The following CFAP299 variants were observed in gnomAD, a reference collection of about 807,000 sequenced individuals.
The protein encoded by CFAP299 is cilia- and flagella-associated protein 299.
A neutral mutation model predicts 27.0 loss-of-function variants in CFAP299; 21 were observed. The ratio of observed to expected loss-of-function variants is 0.78; its 90% CI spans 0.55 to 1.12. The LOEUF is 1.12. Among genes scored for constraint, CFAP299 ranks in the 50% most tolerant of loss-of-function variants. The pLI is 0.00. For missense variants in CFAP299, 310 were observed against 276.6 expected (o/e 1.12, Z -0.86); for synonymous variants, 104 against 98.1 (o/e 1.06, Z -0.36).
chr4:80,385,513 C>G (rs530447728), intron 2 of CFAP299, among the ~76,000 whole-genome samples: 1 of 151,930 alleles, frequency 6.6e-6, no homozygotes, highest in Admixed American at 6.6e-5. Context: ...TACTGGATCC[C>G]CAGGACAACC....
chr4:80,455,300 AG>A (rs1289176362), intron 2 of CFAP299, among the ~76,000 whole-genome samples: 1 of 152,226 alleles, frequency 6.6e-6, no homozygotes, highest in African/African-American at 2.4e-5. Context: ...GGAATGAACA[AG>A]GTTAAAACCA....
intron 3 of CFAP299, among the ~76,000 whole-genome samples, chr4:80,794,410 G>A (rs1393799741): frequency 6.6e-6 from 1 of 152,192 alleles, no homozygotes; most frequent in Non-Finnish European, 1.5e-5. Flanking sequence ...TCCTGGACCT[G>A]TGAATCCTGG....
At position 80,691,537 on chromosome 4, in the gene CFAP299, C is replaced by T. The variant is rs549889456; in HGVS notation, c.333+108354C>T. Among the ~76,000 whole-genome samples the T allele has an allele frequency of 7.6e-3, 1,151 of 152,070 alleles. 8 individuals are homozygous for T. The highest frequency in any genetic ancestry group is 0.024 in the African/African-American group (982 of 41,466). ...CTCAATAAATTAGGTATTGATGGGA[C>T]GTATTTCAAAATAATAGGAGCTATC... On this transcript the variant is annotated intron_variant, in intron 3 of 5. Transcript: ENST00000358105.
chr4:80,716,381 C>A (rs1722481347), intron 3 of CFAP299, among the ~76,000 whole-genome samples: 2 of 149,570 alleles, frequency 1.3e-5, no homozygotes, highest in South Asian at 4.2e-4. Context: ...TTGATATATT[C>A]TATATATATA....
At chr4:80,746,211 G>A (rs1435421588) in intron 3 of CFAP299, among the ~76,000 whole-genome samples, 2 of 151,708 alleles carry the variant, frequency 1.3e-5, no homozygotes, top group African/African-American at 2.4e-5. Flanking sequence ...CATAAGCCAA[G>A]GGCCACCTTC....
intron 3 of CFAP299, among the ~76,000 whole-genome samples, chr4:80,599,043 G>A (rs950812327): frequency 6.6e-6 from 1 of 152,164 alleles, no homozygotes; most frequent in Non-Finnish European, 1.5e-5. Context: ...CTATGTGAAA[G>A]TAAAAGCTTT....
intron 1 of CFAP299, among the ~76,000 whole-genome samples, chr4:80,345,125 G>C (rs1447293932): frequency 6.6e-6 from 1 of 152,136 alleles, no homozygotes. Flanking sequence ...ACATAGTATT[G>C]AAAGTTCTGA....
At chr4:80,938,846 G>T (rs1237272571) in intron 4 of CFAP299, among the ~76,000 whole-genome samples, 1 of 152,140 alleles carries the variant, frequency 6.6e-6, no homozygotes, top group Admixed American at 6.6e-5. Flanking sequence ...TAATAAACTT[G>T]CTTGATTTTT....
intron 3 of CFAP299, among the ~76,000 whole-genome samples, chr4:80,828,994 T>C (rs560110212): frequency 2.0e-5 from 3 of 151,994 alleles, no homozygotes; most frequent in East Asian, 3.9e-4. Context: ...GAAGAAAACA[T>C]GGGGCCAAAT....
chr4:80,484,306 G>T (rs940705639), intron 2 of CFAP299, among the ~76,000 whole-genome samples: 9 of 152,024 alleles, frequency 5.9e-5, no homozygotes, highest in Non-Finnish European at 1.0e-4. Flanking sequence ...TCTGGAAGTT[G>T]TTCAGAACAT....
chr4:80,851,027 A>G (rs1731491777), intron 3 of CFAP299, among the ~76,000 whole-genome samples: 2 of 152,162 alleles, frequency 1.3e-5, no homozygotes, highest in South Asian at 4.1e-4. Flanking sequence ...TTATGGAATG[A>G]CATGGTTTTA....
chr4:80,496,337 G>A (rs1041557554), intron 2 of CFAP299, among the ~76,000 whole-genome samples: 2 of 152,162 alleles, frequency 1.3e-5, no homozygotes, highest in Admixed American at 6.5e-5. Context: ...TCTTCTACCA[G>A]ATACCCTAGG....
At chr4:80,772,126 T>C (rs939866601) in intron 3 of CFAP299, among the ~76,000 whole-genome samples, 2 of 152,158 alleles carry the variant, frequency 1.3e-5, no homozygotes, top group African/African-American at 4.8e-5. Flanking sequence ...GATTCAAAAA[T>C]CTAAATTCTT....
chr4:80,511,386 T>C (rs934048512), intron 2 of CFAP299, among the ~76,000 whole-genome samples: 4 of 152,184 alleles, frequency 2.6e-5, no homozygotes, highest in African/African-American at 9.6e-5. Flanking sequence ...AATCCAGCTA[T>C]ATTTAATGAT....
intron 3 of CFAP299, among the ~76,000 whole-genome samples, chr4:80,604,565 T>G (rs1428055922): frequency 3.9e-5 from 6 of 152,168 alleles, no homozygotes; most frequent in African/African-American, 1.4e-4. Flanking sequence ...ATGCTTTGTG[T>G]CCAGAATGGT....
At chr4:80,950,445 C>T (rs1217030642) in intron 5 of CFAP299, among the ~76,000 whole-genome samples, 3 of 152,038 alleles carry the variant, frequency 2.0e-5, no homozygotes, top group African/African-American at 7.2e-5. Context: ...TGTAAGAATT[C>T]AGGGGAGGCA....
chr4:80,932,569 A>G (rs986211120), intron 4 of CFAP299, among the ~76,000 whole-genome samples: 1 of 152,238 alleles, frequency 6.6e-6, no homozygotes, highest in African/African-American at 2.4e-5. Context: ...ATGTCTCTGT[A>G]CCATAAATGC....
rs1207545005 is a variant in CFAP299 at position 80,799,310 on chromosome 4, A to C, written c.334-70683A>C. Among the ~76,000 whole-genome samples, 34 of 103,670 alleles carry C rather than the reference A, an allele frequency of 3.3e-4. No homozygotes were observed. The East Asian group carries it at 4.5e-3, about 14-fold the overall frequency. The allele number at this position is 103,670 out of a possible 152,430, so 68.0% of individuals were successfully genotyped here. On this transcript the variant is annotated intron_variant, in intron 3 of 5. Coordinates refer to ENST00000358105, the MANE Select transcript of CFAP299 (RefSeq NM_152770.3). Reference sequence around the variant, plus strand: ...GTATAAATATATTTATATAATATTTATATATATAAATATATTTATATAATA... The same window carrying C: ...GTATAAATATATTTATATAATATTTCTATATATAAATATATTTATATAATA...
Position 80,374,505 on chromosome 4 carries a change from A to T in CFAP299, c.242+11621A>T, listed in dbSNP as rs533534962. On this transcript the variant is annotated intron_variant, in intron 2 of 5. Transcript: ENST00000358105. ...GGTTTGCTAGCTCTTACTGAAGAGC[A>T]GTGGGCTACTTCTTCAGGCTCAGAA... Among the ~76,000 whole-genome samples, 13 of 152,266 alleles carry T rather than the reference A, an allele frequency of 8.5e-5. No individual in the cohort carries two copies. In the South Asian group the frequency reaches 2.7e-3, roughly 32 times the overall value.
Sources: gnomAD v4.1 joint callset for allele counts (sites outside exome capture counted in the v4.1 genomes callset) on GRCh38, gnomAD v4.1.1 for gene constraint, MANE v1.5 for transcripts, NCBI Gene and HGNC (gene_info 2026-07-23, HGNC 2026-07-21) for gene names.